Variants in GPAT3 observed in about 807,000 individuals in gnomAD.
GPAT3 encodes 1-AGP acyltransferase 9.
A neutral mutation model predicts 58.8 loss-of-function variants in GPAT3; 53 were observed. The ratio of observed to expected loss-of-function variants is 0.90; its 90% confidence interval spans 0.72 to 1.13. The LOEUF (loss-of-function observed/expected upper bound fraction) is 1.13, where lower values mean the gene tolerates loss of function less well. Ranked by LOEUF, GPAT3 falls within the 50% of genes most tolerant of loss-of-function variation. The probability of loss-of-function intolerance (pLI) is 0.00; values close to 1 mark genes in which losing one functional copy is unlikely to be tolerated. For missense variants in GPAT3, 511 were observed against 527.6 expected (o/e 0.97, Z 0.31); for synonymous variants, 197 against 187.4 (o/e 1.05, Z -0.42).
At chr4:83,600,066 A>G (rs1479483139) in intron 11 of GPAT3, among the ~76,000 whole-genome samples, 1 of 152,192 alleles carries the variant, frequency 6.6e-6, no homozygotes, top group East Asian at 1.9e-4. Context: ...GAAACCATGG[A>G]AAGCAAAACC....
At chr4:83,542,415 G>A (rs902720572) in intron 1 of GPAT3, among the ~76,000 whole-genome samples, 3 of 152,278 alleles carry the variant, frequency 2.0e-5, no homozygotes, top group East Asian at 1.9e-4. Context: ...GATTAAGACC[G>A]AGTCTTATGA....
intron 2 of GPAT3, 84 bp downstream of exon 2, chr4:83,544,686 G>A: frequency 1.5e-6 from 2 of 1,291,254 alleles, no homozygotes; most frequent in Non-Finnish European, 2.2e-6. Context: ...GAAATATGCA[G>A]AGAGCAGTGT....
intron 11 of GPAT3, among the ~76,000 whole-genome samples, chr4:83,601,962 A>C (rs1560635694): frequency 6.6e-6 from 1 of 152,192 alleles, no homozygotes; most frequent in Admixed American, 6.5e-5. Flanking sequence ...TGGAGTATGA[A>C]ACTGACTAGT....
chr4:83,563,052 A>C (rs1168939182), intron 2 of GPAT3, among the ~76,000 whole-genome samples: 1 of 152,206 alleles, frequency 6.6e-6, no homozygotes, highest in Non-Finnish European at 1.5e-5. Flanking sequence ...TTTATGTAAG[A>C]TTTGGAATGA....
At chr4:83,596,478 AG>A (rs1726842930) in intron 7 of GPAT3, among the ~76,000 whole-genome samples, 1 of 151,852 alleles carries the variant, frequency 6.6e-6, no homozygotes, top group Non-Finnish European at 1.5e-5. Flanking sequence ...AAAACTTAGC[AG>A]GGTGTAGTGG....
intron 7 of GPAT3, among the ~76,000 whole-genome samples, chr4:83,595,697 G>A (rs896631019): frequency 4.6e-5 from 7 of 151,990 alleles, no homozygotes; most frequent in African/African-American, 1.7e-4. Context: ...CTAGGCAACA[G>A]GGGGAGACCT....
At chr4:83,594,814 AC>A in intron 6 of GPAT3, 30 bp from the exon 7 acceptor site, 1 of 1,590,926 alleles carries the variant, frequency 6.3e-7, no homozygotes, top group Non-Finnish European at 8.6e-7. Context: ...GGTGCCTTTT[AC>A]GTTTTTTCCT....
intron 1 of GPAT3, among the ~76,000 whole-genome samples, chr4:83,544,163 T>A (rs1177922548): frequency 1.3e-5 from 2 of 152,186 alleles, no homozygotes; most frequent in Non-Finnish European, 2.9e-5. Context: ...TGTTTTACAA[T>A]GAGGAAACGG....
In GPAT3 at chr4:83,597,421, C is replaced by T. The variant is rs1726883906; in HGVS notation, c.911-9C>T. ...AAATATTCACGCTCCTACCCTCACC[C>T]CCTTGCAGGAACTTGCATCAACAAT... On this transcript the variant is annotated splice_polypyrimidine_tract_variant and intron_variant, in intron 8 of 11. Transcript: ENST00000264409. 3 of 1,512,508 alleles carry T rather than the reference C, an allele frequency of 2.0e-6. No individual in the cohort carries two copies. In the African/African-American group the frequency reaches 4.2e-5, roughly 21 times the overall value. 93.7% of individuals were successfully genotyped at this position (1,512,508 alleles called of 1,614,324 possible).
chr4:83,544,210 T>G (rs1724417173), intron 1 of GPAT3, among the ~76,000 whole-genome samples: 1 of 152,204 alleles, frequency 6.6e-6, no homozygotes, highest in Non-Finnish European at 1.5e-5. Context: ...AACCCAGACA[T>G]TCTTGATGCC....
In GPAT3 at chr4:83,554,541, C is replaced by A. The variant is rs1724879242; in HGVS notation, c.208+9939C>A. Reference sequence around the variant, plus strand: ...ATCACCACCATTTTTTAAACATTGGCCCCACTGTTCCATATTATTTATTAT... The same window carrying A: ...ATCACCACCATTTTTTAAACATTGGACCCACTGTTCCATATTATTTATTAT... On this transcript the variant is annotated intron_variant, in intron 2 of 11. Transcript: ENST00000264409. Among the ~76,000 whole-genome samples the A allele has an allele frequency of 2.0e-5, 3 of 152,206 alleles. No homozygotes were observed. In the South Asian group the frequency reaches 6.2e-4, roughly 32 times the overall value.
Position 83,544,644 on chromosome 4 carries a change from T to C in GPAT3, c.208+42T>C, listed in dbSNP as rs758365847. 2.5e-6 allele frequency: 4 copies of C among 1,589,678 alleles called. No individual in the cohort carries two copies. In the Admixed American group the frequency reaches 6.7e-5, roughly 27 times the overall value. ...ATTATGATTGTTACCATATTTAAAT[T>C]GGGTGGATGTAAACCTACCCAATTT... On this transcript the variant is annotated intron_variant, in intron 2 of 11. Coordinates refer to ENST00000264409, the MANE Select transcript of GPAT3 (RefSeq NM_032717.5).
At chr4:83,536,819 G>GACCCCC in intron 1 of GPAT3, 56 bp downstream of exon 1, 1 of 1,530,670 alleles carries the variant, frequency 6.5e-7, no homozygotes, top group Non-Finnish European at 8.9e-7. Context: ...GAGAACCCGG[G>GACCCCC]GGTCCAGTTC....
intron 2 of GPAT3, among the ~76,000 whole-genome samples, chr4:83,569,275 G>T (rs1301739438): frequency 1.3e-5 from 2 of 152,162 alleles, no homozygotes; most frequent in African/African-American, 4.8e-5. Context: ...ATGCAAGTTT[G>T]GACCCTGAAG....
At chr4:83,567,020 G>A (rs1439685759) in intron 2 of GPAT3, among the ~76,000 whole-genome samples, 2 of 152,042 alleles carry the variant, frequency 1.3e-5, no homozygotes, top group African/African-American at 4.8e-5. Flanking sequence ...TTCTCATACT[G>A]TATATGGTTT....
intron 2 of GPAT3, among the ~76,000 whole-genome samples, chr4:83,561,034 C>T (rs115668022): frequency 0.013 from 1,927 of 152,326 alleles, 26 homozygotes; most frequent in Middle Eastern, 0.031. Context: ...AATGTGAGAA[C>T]AGACTAATAC....
chr4:83,588,232 C>G lies in GPAT3; in HGVS notation c.577C>G (p.Leu193Val). 6.2e-7 allele frequency: 1 copy of G among 1,613,960 alleles called. No homozygotes were observed. Among genetic ancestry groups the G allele is most frequent in the Non-Finnish European group, 8.5e-7 (1 of 1,179,918 alleles). Residue 193 changes from leucine to valine, a missense_variant, in exon 5 of 12, where the codon CTG becomes GTG. Leu to Val is a conservative substitution (Grantham distance 32). Coordinates refer to ENST00000264409, the MANE Select transcript of GPAT3 (RefSeq NM_032717.5). Reference sequence around the variant, plus strand: ...CAGCCTCAAAAACTGGCTGAGTGAACTGGTCCATCTGACTTGCTGCCGGAT... The same window carrying G: ...CAGCCTCAAAAACTGGCTGAGTGAAGTGGTCCATCTGACTTGCTGCCGGAT... ...DSSLKNWLSE[L>V]VHLTCCRICV...
chr4:83,581,512 A>G, intron 2 of GPAT3, 50 bp from the exon 3 acceptor site: 1 of 1,565,070 alleles, frequency 6.4e-7, no homozygotes, highest in Non-Finnish European at 8.7e-7. Context: ...CCTTTTGGTC[A>G]ATTCTTCTGT....
intron 2 of GPAT3, among the ~76,000 whole-genome samples, chr4:83,553,654 T>A (rs1397236685): frequency 6.6e-6 from 1 of 152,038 alleles, no homozygotes; most frequent in Non-Finnish European, 1.5e-5. Context: ...ATCCCAGCAC[T>A]TTGGGAGGCT....
Sources: allele counts gnomAD v4.1 joint callset (sites outside exome capture counted in the v4.1 genomes callset), GRCh38; gene constraint gnomAD v4.1.1; transcripts MANE v1.5; gene names NCBI Gene and HGNC (gene_info 2026-07-23, HGNC 2026-07-21).